The following GPD1 variants were observed in gnomAD, a reference collection of about 807,000 sequenced individuals.
The protein encoded by GPD1 is glycerol-3-phosphate dehydrogenase 1, also known as glycerol-3-phosphate dehydrogenase [NAD(+)], cytoplasmic.
A neutral mutation model predicts 34.4 loss-of-function variants in GPD1; 19 were observed. The observed-to-expected ratio is 0.55, with a 90% CI of 0.39 to 0.81. The LOEUF (loss-of-function observed/expected upper bound fraction) is 0.81, where lower values mean the gene tolerates loss of function less well. Ranked by LOEUF, GPD1 falls within the 30% of genes least tolerant of loss-of-function variation. The probability of loss-of-function intolerance (pLI) is 0.00; values close to 1 mark genes in which losing one functional copy is unlikely to be tolerated. For missense variants in GPD1, 429 were observed against 447.0 expected, an observed-to-expected ratio of 0.96 and a Z score of 0.36; for synonymous variants, 172 against 174.1, an observed-to-expected ratio of 0.99 and a Z score of 0.09.
chr12:50,107,365 G>A (rs768117349), intron 5 of GPD1: 20 of 698,254 alleles, frequency 2.9e-5, no homozygotes, highest in African/African-American at 8.7e-5. Context: ...AAATGTCCTC[G>A]AGGAGGGAGT....
Position 50,107,574 on chromosome 12 carries a change from T to A in GPD1, c.620T>A (p.Val207Glu). 2 of 1,613,736 alleles carry A rather than the reference T, an allele frequency of 1.2e-6. No individual in the cohort carries two copies. Among genetic ancestry groups the A allele is most frequent in the South Asian group, 2.2e-5 (2 of 91,062 alleles). ...VEICGALKNV[V>E]AVGAGFCDGL... ...GACCTCCACTCCTTCAAGAATGTAG[T>A]GGCCGTGGGGGCTGGCTTCTGTGAT... Residue 207 changes from valine to glutamate, a missense_variant, in exon 6 of 8, where the codon GTG becomes GAG. Coordinates refer to ENST00000301149, the MANE Select transcript of GPD1 (RefSeq NM_005276.4).
At position 50,106,279 on chromosome 12, in the gene GPD1, T is replaced by G. The variant is rs1950977219; in HGVS notation, c.361-9T>G. On this transcript the variant is annotated splice_polypyrimidine_tract_variant and intron_variant, in intron 3 of 7. Transcript: ENST00000301149. ...AGGGCACCTGGCCTGAGCTCCATCC[T>G]GTGCTCAGGGGGTAGACGAGGGCCC... The G allele has an allele frequency of 1.3e-6, 2 of 1,598,630 alleles. No individual in the cohort carries two copies. The highest frequency in any genetic ancestry group is 3.7e-5 in the Admixed American group (2 of 54,550).
At chr12:50,109,378 AC>A in intron 7 of GPD1, 44 bp from the exon 8 acceptor site, 1 of 966,886 alleles carries the variant, frequency 1.0e-6, no homozygotes. Flanking sequence ...GGTAGAGTGG[AC>A]CAGGAGTGGG....
chr12:50,105,195 T>C (rs1950969752), intron 2 of GPD1: 1 of 319,382 alleles, frequency 3.1e-6, no homozygotes, highest in Non-Finnish European at 5.8e-6. Context: ...CCTTCCCAGC[T>C]GGGGTTCCTG....
chr12:50,105,561 A>C lies in GPD1; in HGVS notation c.233A>C (p.Asp78Ala). ...TCACCCCCACAGGTGGCTGTCCCAG[A>C]TGTGGTCCAGGCTGCAGAGGATGCT... ...KLPPNVVAVP[D>A]VVQAAEDADI... The change falls in exon 3 of 8, where the codon GAT (aspartate) becomes GCT (alanine). Residue 78 changes from aspartate to alanine, a missense_variant. Coordinates refer to ENST00000301149, the MANE Select transcript of GPD1 (RefSeq NM_005276.4). 6.2e-7 allele frequency: 1 copy of C among 1,613,176 alleles called. No individual in the cohort carries two copies. The highest frequency in any genetic ancestry group is 8.5e-7 in the Non-Finnish European group (1 of 1,179,354).
intron 3 of GPD1, chr12:50,105,930 T>C (rs1476284739): frequency 4.4e-6 from 3 of 688,064 alleles, no homozygotes; most frequent in Non-Finnish European, 8.0e-6. Flanking sequence ...TTCGGAGGTA[T>C]AAAGGAATGC....
chr12:50,105,796 T>G, intron 3 of GPD1, 108 bp downstream of exon 3: 1 of 1,153,432 alleles, frequency 8.7e-7, no homozygotes, highest in Non-Finnish European at 1.3e-6. Context: ...GGCCAAGAGT[T>G]TGCTGGAGAA....
chr12:50,104,041 ACG>A lies in GPD1; in HGVS notation c.-7_-6del. The A allele has an allele frequency of 2.5e-6, 4 of 1,614,000 alleles. No homozygotes were observed. The highest frequency in any genetic ancestry group is 3.4e-6 in the Non-Finnish European group (4 of 1,179,944). On this transcript the variant is annotated 5_prime_UTR_variant, in exon 1 of 8. Coordinates refer to ENST00000301149, the MANE Select transcript of GPD1 (RefSeq NM_005276.4). ...TGGCACTGAGCCGGCTCAGGCAGAG[ACG>A]CGGCACCATGGCTAGCAAGAAAGTC...
intron 7 of GPD1, 58 bp from the exon 8 acceptor site, chr12:50,109,365 G>A: frequency 1.2e-6 from 1 of 865,850 alleles, no homozygotes; most frequent in Non-Finnish European, 2.0e-6. Flanking sequence ...GAGTGGGGGT[G>A]GGGGTAGAGT....
Position 50,105,660 on chromosome 12 carries a change from C to T in GPD1, c.332C>T (p.Ala111Val). ...GACCAGCTCAAGGGCCATCTGAAGG[C>T]AAACGCCACTGGCATATCTCTTATT... Reference protein sequence around the residue: ...ICDQLKGHLKANATGISLIKG... With the variant: ...ICDQLKGHLKVNATGISLIKG... The change falls in exon 3 of 8, where the codon GCA becomes GTA. Residue 111 changes from alanine to valine, a missense_variant. Physicochemically the swap from Ala to Val is moderately conservative, Grantham distance 64. Coordinates refer to ENST00000301149, the MANE Select transcript of GPD1 (RefSeq NM_005276.4). 6.2e-7 allele frequency: 1 copy of T among 1,614,150 alleles called. No individual in the cohort carries two copies. The highest frequency in any genetic ancestry group is 8.5e-7 in the Non-Finnish European group (1 of 1,179,988).
At chr12:50,106,618 C>T (rs952146337) in intron 4 of GPD1, among the ~76,000 whole-genome samples, 187 bp from the exon 5 acceptor site, 4 of 152,064 alleles carry the variant, frequency 2.6e-5, no homozygotes, top group Non-Finnish European at 5.9e-5. Flanking sequence ...AGTGATGAGC[C>T]CTCCCTCAGA....
In GPD1 at chr12:50,104,712, TGTC is replaced by T; in HGVS notation, c.181_183del (p.Val61del). The T allele has an allele frequency of 6.2e-7, 1 of 1,614,148 alleles. No homozygotes were observed. The highest frequency in any genetic ancestry group is 8.5e-7 in the Non-Finnish European group (1 of 1,180,010). On this transcript the variant is annotated inframe_deletion, in exon 2 of 8. Coordinates refer to ENST00000301149, the MANE Select transcript of GPD1 (RefSeq NM_005276.4). ...AGATCATCAACACGCAGCATGAGAA[TGTC>T]AAATACCTGCCAGGGCACAAGTTGC...
In GPD1 at chr12:50,106,182, G is replaced by A. The variant is rs562570584; in HGVS notation, c.361-106G>A. On this transcript the variant is annotated intron_variant, in intron 3 of 7. Transcript: ENST00000301149. ...GGGTTGGAATGGGGCAGGACCTGTC[G>A]GGAGGGACACAGATGAGCAATGGAT... The A allele has an allele frequency of 5.7e-5, 60 of 1,046,940 alleles. 1 individual carries two copies. Among genetic ancestry groups the A allele is most frequent in the Non-Finnish European group, 7.4e-5 (54 of 729,324 alleles). The allele number at this position is 1,046,940 out of a possible 1,614,324, so 64.9% of individuals were successfully genotyped here. A position where few individuals can be genotyped will look rare whatever the true frequency, so the allele number is the denominator to read the frequency against.
rs201974889 is a variant in GPD1 at position 50,106,787 on chromosome 12, G to A, written c.500-18G>A. ...AAAAGAGTCCTTCCCTCAAAGCCTT[G>A]CCCCCTCCTCACTTTAGGCTGCAAG... On this transcript the variant is annotated intron_variant, in intron 4 of 7. Coordinates refer to ENST00000301149, the MANE Select transcript of GPD1 (RefSeq NM_005276.4). 233 of 1,413,708 alleles carry A rather than the reference G, an allele frequency of 1.6e-4. No individual in the cohort carries two copies. The highest frequency in any genetic ancestry group is 3.7e-4 in the Admixed American group (19 of 50,700). 87.6% of individuals were successfully genotyped at this position (1,413,708 alleles called of 1,614,324 possible). A position where few individuals can be genotyped will look rare whatever the true frequency, so the allele number is the denominator to read the frequency against.
chr12:50,106,566 C>G, intron 4 of GPD1, 140 bp downstream of exon 4: 1 of 867,696 alleles, frequency 1.2e-6, no homozygotes, highest in African/African-American at 1.7e-5. Flanking sequence ...GAGGCTGGGA[C>G]ACCCCCAGGG....
chr12:50,109,623 GTC>G lies in GPD1; in HGVS notation c.*106_*107del. 1 of 688,694 alleles carries G rather than the reference GTC, an allele frequency of 1.5e-6. No homozygotes were observed. Among genetic ancestry groups the G allele is most frequent in the South Asian group, 1.6e-5 (1 of 64,106 alleles). 42.7% of individuals were successfully genotyped at this position (688,694 alleles called of 1,614,324 possible). On this transcript the variant is annotated 3_prime_UTR_variant, in exon 8 of 8. Coordinates refer to ENST00000301149, the MANE Select transcript of GPD1 (RefSeq NM_005276.4). ...ATCTCCAGGACTCCCAGGGAGCAGA[GTC>G]TTCTCATCTTTTCACTGGAGGACAG...
chr12:50,106,428 TGAGA>T lies in GPD1; in HGVS notation c.499+4_499+7del. On this transcript the variant is annotated splice_donor_5th_base_variant and intron_variant, in intron 4 of 7. Transcript: ENST00000301149. The stretch of plus-strand genomic sequence containing the variant: ...AGAAGTTCTGTGAGACAACCATTGG[TGAGA>T]GCCCCCTGGCACCTGCATACACAGT... The T allele has an allele frequency of 8.1e-6, 13 of 1,613,498 alleles. No individual in the cohort carries two copies. The highest frequency in any genetic ancestry group is 1.1e-5 in the Non-Finnish European group (13 of 1,179,702).
rs773324714 is a variant in GPD1, at chr12:50,105,649, C to T, written c.321C>T (p.Gly107=). 5.0e-6 allele frequency: 8 copies of T among 1,614,102 alleles called. No individual in the cohort carries two copies. The highest frequency in any genetic ancestry group is 6.8e-6 in the Non-Finnish European group (8 of 1,179,956). The change falls in exon 3 of 8, where the codon GGC becomes GGT. Residue 107 remains glycine, a synonymous_variant. Coordinates refer to ENST00000301149, the MANE Select transcript of GPD1 (RefSeq NM_005276.4). ...FIGKICDQLK[G]HLKANATGIS... ...GCAAGATCTGTGACCAGCTCAAGGG[C>T]CATCTGAAGGCAAACGCCACTGGCA...
intron 3 of GPD1, 193 bp downstream of exon 3, chr12:50,105,881 G>A: frequency 1.4e-6 from 1 of 712,046 alleles, no homozygotes; most frequent in Non-Finnish European, 2.5e-6. Flanking sequence ...GAGGCTGAAG[G>A]GAGGAGACGA....
Sources: gnomAD v4.1 joint callset for allele counts (sites outside exome capture counted in the v4.1 genomes callset) on GRCh38, gnomAD v4.1.1 for gene constraint, MANE v1.5 for transcripts, NCBI Gene and HGNC (gene_info 2026-07-23, HGNC 2026-07-21) for gene names.